Variants in SORBS2 observed in about 807,000 individuals in gnomAD.
SORBS2 encodes sorbin and SH3 domain containing 2.
In SORBS2, 46 loss-of-function variants were observed where a neutral mutation model predicts 97.7. The ratio of observed to expected loss-of-function variants is 0.47; its 90% CI spans 0.37 to 0.60. The LOEUF is 0.60. Ranked by LOEUF, SORBS2 falls within the 20% of genes least tolerant of loss-of-function variation. The pLI, the probability that SORBS2 is intolerant of heterozygous loss-of-function variation, is 0.00. For synonymous variants in SORBS2, 476 were observed against 473.4 expected, an observed-to-expected ratio of 1.01 and a Z score of -0.07; for missense variants, 1,316 against 1,282.3, an observed-to-expected ratio of 1.03 and a Z score of -0.40.
At chr4:185,785,119 G>A (rs2099049907) in intron 1 of SORBS2, among the ~76,000 whole-genome samples, 1 of 151,522 alleles carries the variant, frequency 6.6e-6, no homozygotes, top group Non-Finnish European at 1.5e-5. Context: ...GGAGTTTAGG[G>A]AGTTTTTAAA....
intron 2 of SORBS2, among the ~76,000 whole-genome samples, chr4:185,718,582 C>T (rs1007572794): frequency 4.6e-5 from 7 of 152,162 alleles, no homozygotes; most frequent in Admixed American, 2.0e-4. Flanking sequence ...GCACAGTTGG[C>T]GTACAGGTTA....
At chr4:185,593,760 A>G in intron 13 of SORBS2, 126 bp downstream of exon 25, 1 of 669,560 alleles carries the variant, frequency 1.5e-6, no homozygotes, top group Non-Finnish European at 2.7e-6. Context: ...AATTTCTCGT[A>G]ATTTAAGAGG....
rs187705220 is a variant in SORBS2, at chr4:185,689,128, C to T, written c.-197-10306G>A. ...ATAGGAAGGTTAATTATTGAGTGTA[C>T]TGCCCATCAACACAGCATATTCAGT... On this transcript the variant is annotated intron_variant, in intron 2 of 20. Coordinates refer to the SORBS2 transcript ENST00000284776. Among the ~76,000 whole-genome samples the T allele has an allele frequency of 6.6e-5, 10 of 152,292 alleles. No individual in the cohort carries two copies. In the East Asian group the frequency reaches 1.9e-3, roughly 29 times the overall value.
exon 6 of SORBS2, chr4:185,626,957 G>A (rs770305969): frequency 6.2e-7 from 1 of 1,614,094 alleles, no homozygotes; most frequent in African/African-American, 1.3e-5. Flanking sequence ...CAAGCCCCGT[G>A]GTGGACCCAC....
At position 185,811,303 on chromosome 4, in the gene SORBS2, T is replaced by C. The variant is rs575356017; in HGVS notation, c.-337-35937A>G. ...TGTAGTTCTTTTTCATGTAGTTCTC[T>C]GAATACAAGTCAAAGTGCAGGTCAC... On this transcript the variant is annotated intron_variant, in intron 1 of 20. Transcript: ENST00000284776. 2.0e-5 allele frequency among the ~76,000 whole-genome samples: 3 copies of C among 152,342 alleles called. No homozygotes were observed. The South Asian group carries it at 6.2e-4, about 32-fold the overall frequency.
At chr4:185,718,433 T>C (rs1238476567) in intron 2 of SORBS2, among the ~76,000 whole-genome samples, 1 of 152,126 alleles carries the variant, frequency 6.6e-6, no homozygotes, top group Non-Finnish European at 1.5e-5. Context: ...TCACCCATCT[T>C]GAGAAAAGAC....
intron 1 of SORBS2, among the ~76,000 whole-genome samples, chr4:185,891,923 C>T (rs1223875503): frequency 2.0e-5 from 3 of 152,068 alleles, no homozygotes; most frequent in Non-Finnish European, 4.4e-5. Context: ...CAACATCCAC[C>T]TCCCGGGTTC....
intron 1 of SORBS2, among the ~76,000 whole-genome samples, chr4:185,875,503 G>A (rs997307875): frequency 1.3e-5 from 2 of 152,226 alleles, no homozygotes; most frequent in Non-Finnish European, 2.9e-5. Context: ...TGCATAGGAA[G>A]TATGTTTGTT....
At chr4:185,897,200 C>T (rs976013725) in intron 1 of SORBS2, among the ~76,000 whole-genome samples, 3 of 152,188 alleles carry the variant, frequency 2.0e-5, no homozygotes, top group Non-Finnish European at 2.9e-5. Context: ...AAGTATTACT[C>T]TAACTTTCGC....
chr4:185,870,507 A>G (rs974398210), intron 1 of SORBS2, among the ~76,000 whole-genome samples: 2 of 152,214 alleles, frequency 1.3e-5, no homozygotes, highest in African/African-American at 4.8e-5. Flanking sequence ...TTGAACTTTG[A>G]TGACAATATC....
chr4:185,591,878 AT>A (rs1274852033), intron 13 of SORBS2: 3 of 152,212 alleles, frequency 2.0e-5, no homozygotes, highest in Non-Finnish European at 2.9e-5. Context: ...GTTTGTCCAA[AT>A]TTATTTACCA....
intron 12 of SORBS2, among the ~76,000 whole-genome samples, chr4:185,597,284 G>A (rs757236187): frequency 1.3e-5 from 2 of 152,064 alleles, no homozygotes; most frequent in Non-Finnish European, 2.9e-5. Flanking sequence ...GGGTTAATCG[G>A]GTCCCCTCAG....
At chr4:185,611,790 C>G in exon 12 of SORBS2, 1 of 1,613,788 alleles carries the variant, frequency 6.2e-7, no homozygotes, top group Non-Finnish European at 8.5e-7. Context: ...CTTATTTGAG[C>G]TCAAGCTGTG....
chr4:185,658,358 C>G (rs182019885), upstream of SORBS2, among the ~76,000 whole-genome samples: 1 of 152,228 alleles, frequency 6.6e-6, no homozygotes, highest in Admixed American at 6.5e-5. Context: ...CTTTCAGAAG[C>G]AACAGAGTAC....
intron 2 of SORBS2, among the ~76,000 whole-genome samples, chr4:185,704,364 G>C (rs927428554): frequency 6.6e-6 from 1 of 152,002 alleles, no homozygotes; most frequent in African/African-American, 2.4e-5. Context: ...TGTCGCCCAG[G>C]CTGGAGTGCA....
chr4:185,838,508 C>G (rs2099209553), intron 1 of SORBS2, among the ~76,000 whole-genome samples: 1 of 152,208 alleles, frequency 6.6e-6, no homozygotes, highest in African/African-American at 2.4e-5. Context: ...AGAGAGGACA[C>G]AGAGGGCAGA....
chr4:185,769,373 C>A (rs575686727), intron 2 of SORBS2, among the ~76,000 whole-genome samples: 1 of 152,154 alleles, frequency 6.6e-6, no homozygotes, highest in Non-Finnish European at 1.5e-5. Context: ...TCTCAGCCAC[C>A]CACATGGAAA....
intron 6 of SORBS2, among the ~76,000 whole-genome samples, chr4:185,625,475 A>C (rs1240585623): frequency 6.6e-5 from 10 of 152,230 alleles, no homozygotes; most frequent in Non-Finnish European, 1.5e-4. Context: ...TGTTCTCTAA[A>C]TTCTTTAAAA....
chr4:185,907,711 G>A (rs1412214155), intron 1 of SORBS2, among the ~76,000 whole-genome samples: 3 of 152,122 alleles, frequency 2.0e-5, no homozygotes, highest in Non-Finnish European at 4.4e-5. Context: ...TGTTATTATA[G>A]GTATAGATAC....
Sources: allele counts gnomAD v4.1 joint callset (sites outside exome capture counted in the v4.1 genomes callset), GRCh38; gene constraint gnomAD v4.1.1; transcripts MANE v1.5; gene names NCBI Gene and HGNC (gene_info 2026-07-23, HGNC 2026-07-21).